The following KIAA1217 variants were observed in gnomAD, a reference collection of about 807,000 sequenced individuals.
KIAA1217 encodes the protein sickle tail protein homolog.
KIAA1217 carries 88 observed loss-of-function variants against 163.9 expected under a neutral mutation model. That is an observed-to-expected ratio of 0.54 (90% CI 0.45 to 0.64). KIAA1217 has a LOEUF of 0.64. Ranked by LOEUF, KIAA1217 falls within the 30% of genes least tolerant of loss-of-function variation. KIAA1217 has a pLI of 0.00. For synonymous variants in KIAA1217, 903 were observed against 923.1 expected (o/e 0.98, Z 0.39); for missense variants, 2,372 against 2,475.0 (o/e 0.96, Z 0.88).
chr10:24,032,228 C>T (rs1318441430), intron 2 of KIAA1217, among the ~76,000 whole-genome samples: 1 of 152,120 alleles, frequency 6.6e-6, no homozygotes, highest in African/African-American at 2.4e-5. Flanking sequence ...ATAAGCCCAT[C>T]TGATTGCCTA....
At chr10:24,257,404 C>T (rs899663030) in intron 2 of KIAA1217, among the ~76,000 whole-genome samples, 1 of 152,174 alleles carries the variant, frequency 6.6e-6, no homozygotes, top group Non-Finnish European at 1.5e-5. Flanking sequence ...GTTCACCAGA[C>T]ATCTGTGGGG....
At chr10:24,395,052 T>C (rs1245910116) in intron 3 of KIAA1217, among the ~76,000 whole-genome samples, 2 of 152,156 alleles carry the variant, frequency 1.3e-5, no homozygotes, top group South Asian at 4.1e-4. Context: ...GGACCACTGA[T>C]TGAGGGTGAG....
chr10:24,234,006 T>C (rs2071824105), intron 2 of KIAA1217, among the ~76,000 whole-genome samples: 1 of 152,182 alleles, frequency 6.6e-6, no homozygotes, highest in Admixed American at 6.5e-5. Flanking sequence ...TAGTGTCTGT[T>C]AACTTTTTAA....
chr10:24,468,273 G>T (rs2063156218), intron 5 of KIAA1217, among the ~76,000 whole-genome samples: 1 of 152,230 alleles, frequency 6.6e-6, no homozygotes, highest in Non-Finnish European at 1.5e-5. Flanking sequence ...TTCCCAAGTT[G>T]TCTGATCGTA....
At chr10:24,150,702 C>T (rs2064569987) in intron 2 of KIAA1217, among the ~76,000 whole-genome samples, 1 of 152,176 alleles carries the variant, frequency 6.6e-6, no homozygotes, top group African/African-American at 2.4e-5. Flanking sequence ...CAGCATCAGG[C>T]ATGGCTGCAT....
At chr10:24,133,069 AG>A (rs2063711245) in intron 2 of KIAA1217, among the ~76,000 whole-genome samples, 1 of 151,328 alleles carries the variant, frequency 6.6e-6, no homozygotes, top group African/African-American at 2.4e-5. Flanking sequence ...GGCCACTGAG[AG>A]AAAAAAAAAA....
chr10:23,771,060 G>T (rs1407172054), intron 1 of KIAA1217, among the ~76,000 whole-genome samples: 5 of 152,242 alleles, frequency 3.3e-5, no homozygotes, highest in East Asian at 3.9e-4. Context: ...AGTGTACTTT[G>T]TAAGAGCTGA....
At chr10:24,053,270 AC>A (rs1849647628) in intron 2 of KIAA1217, among the ~76,000 whole-genome samples, 1 of 152,160 alleles carries the variant, frequency 6.6e-6, no homozygotes, top group Non-Finnish European at 1.5e-5. Context: ...AACACAGATA[AC>A]TTTTGTTATA....
intron 6 of KIAA1217, among the ~76,000 whole-genome samples, chr10:24,488,053 G>T (rs1294797472): frequency 1.3e-5 from 2 of 152,154 alleles, no homozygotes; most frequent in African/African-American, 2.4e-5. Context: ...AGAAAGCAAG[G>T]CCAGGCTACA....
intron 2 of KIAA1217, among the ~76,000 whole-genome samples, chr10:24,280,382 A>G (rs781745554): frequency 6.6e-6 from 1 of 152,224 alleles, no homozygotes; most frequent in Non-Finnish European, 1.5e-5. Context: ...ACAGGTGAAT[A>G]ATGTAAGTGA....
In KIAA1217 at chr10:23,701,511, G is replaced by A. The variant is rs542435810; in HGVS notation, c.-321+6277G>A. Among the ~76,000 whole-genome samples the A allele has an allele frequency of 1.3e-3, 195 of 152,220 alleles. 1 individual carries two copies. Among genetic ancestry groups the A allele is most frequent in the African/African-American group, 4.6e-3 (192 of 41,530 alleles). ...TCACTTTTGGGTTTGCCTCTTGCTGGTCTTAACATAGCTGTTCTCACTGAT... is the reference window on the plus strand; with the variant it reads ...TCACTTTTGGGTTTGCCTCTTGCTGATCTTAACATAGCTGTTCTCACTGAT... On this transcript the variant is annotated intron_variant, in intron 1 of 18. Transcript: ENST00000376462.
At chr10:23,869,134 T>TTTTTTTTG (rs1840337242) in intron 1 of KIAA1217, among the ~76,000 whole-genome samples, 1 of 142,284 alleles carries the variant, frequency 7.0e-6, no homozygotes, top group Admixed American at 7.0e-5. Context: ...GTTTTTTTTT[T>TTTTTTTTG]TTTTTTTTTT....
intron 1 of KIAA1217, among the ~76,000 whole-genome samples, chr10:23,879,764 G>C (rs1289393225): frequency 1.3e-5 from 2 of 151,912 alleles, no homozygotes; most frequent in African/African-American, 4.8e-5. Flanking sequence ...ATTTTTTTAA[G>C]ATGGTAAAAA....
chr10:23,790,150 C>CATATGCATATACACAT (rs1588814708), intron 1 of KIAA1217, among the ~76,000 whole-genome samples: 1 of 76,506 alleles, frequency 1.3e-5, no homozygotes, highest in East Asian at 3.7e-4. Context: ...CACATATACA[C>CATATGCATATACACAT]ATATGCATAT....
At chr10:23,711,251 C>T (rs952670749) in intron 1 of KIAA1217, among the ~76,000 whole-genome samples, 3 of 152,154 alleles carry the variant, frequency 2.0e-5, no homozygotes, top group African/African-American at 7.2e-5. Context: ...GCTATTTTAC[C>T]TCCGAAAGCA....
At chr10:23,965,397 G>T (rs74676549) in intron 1 of KIAA1217, among the ~76,000 whole-genome samples, 1 of 152,198 alleles carries the variant, frequency 6.6e-6, no homozygotes, top group Admixed American at 6.5e-5. Context: ...GGCCGTCAAC[G>T]GCAGCAGAAT....
intron 2 of KIAA1217, among the ~76,000 whole-genome samples, chr10:24,147,832 C>CAGAAAAAAAAA (rs2064394477): frequency 4.8e-5 from 1 of 20,772 alleles, no homozygotes; most frequent in Non-Finnish European, 8.5e-5. Context: ...TACTCTGTCT[C>CAGAAAAAAAAA]AAAAAAAAAA....
chr10:23,718,611 C>G (rs1837697589), intron 1 of KIAA1217, among the ~76,000 whole-genome samples: 1 of 150,010 alleles, frequency 6.7e-6, no homozygotes, highest in African/African-American at 2.5e-5. Flanking sequence ...AATAAATTTG[C>G]AGAGCTGGAA....
At chr10:24,059,580 T>A (rs2060643578) in intron 2 of KIAA1217, among the ~76,000 whole-genome samples, 1 of 152,100 alleles carries the variant, frequency 6.6e-6, no homozygotes, top group Admixed American at 6.6e-5. Context: ...TTTTTGTTTG[T>A]TTGTTTGTTT....
Sources: allele counts gnomAD v4.1 joint callset (sites outside exome capture counted in the v4.1 genomes callset), GRCh38; gene constraint gnomAD v4.1.1; transcripts MANE v1.5; gene names NCBI Gene and HGNC (gene_info 2026-07-23, HGNC 2026-07-21).